Variants in DMD observed in about 807,000 individuals in gnomAD.
DMD encodes the protein mutant dystrophin.
In DMD, 63 loss-of-function variants were observed where a neutral mutation model predicts 330.1. That is an observed-to-expected ratio of 0.19 (90% CI 0.16 to 0.24). The LOEUF is 0.24. Among genes scored for constraint, DMD ranks in the 10% least tolerant of loss-of-function variants. The pLI, the probability that DMD is intolerant of heterozygous loss-of-function variation, is 1.00. For synonymous variants in DMD, 1,223 were observed against 959.8 expected (o/e 1.27, Z -5.07); for missense variants, 3,344 against 2,684.1 (o/e 1.25, Z -5.43).
chrX:32,836,254 A>T (rs1252704130), intron 4 of DMD, among the ~76,000 whole-genome samples: 1 of 108,810 alleles, frequency 9.2e-6, no homozygotes, highest in African/African-American at 3.4e-5. Context: ...ATGGTCTCGA[A>T]CTCCTGACCT....
intron 50 of DMD, among the ~76,000 whole-genome samples, chrX:31,808,600 T>C (rs953210777): frequency 8.9e-6 from 1 of 111,755 alleles, no homozygotes; most frequent in African/African-American, 3.3e-5. Flanking sequence ...GAAAGCTTTA[T>C]TAGACAAGTT....
intron 1 of DMD, among the ~76,000 whole-genome samples, chrX:33,338,461 AAAT>A: frequency 2.1e-5 from 1 of 46,646 alleles, no homozygotes; most frequent in Non-Finnish European, 4.6e-5. Flanking sequence ...TTAAAGGGCA[AAAT>A]AAATAAATAA....
intron 43 of DMD, among the ~76,000 whole-genome samples, chrX:32,277,171 A>C (rs1382652307): frequency 9.0e-6 from 1 of 111,700 alleles, no homozygotes; most frequent in African/African-American, 3.3e-5. Context: ...ATCAGGACAA[A>C]AACTGTAAGA....
In DMD at chrX:32,320,226, G is replaced by A. The variant is rs191204080; in HGVS notation, c.5923-9950C>T. The stretch of plus-strand genomic sequence containing the variant: ...TTTGTCACACCCCTCAGAAAATGTG[G>A]ACACTATCTCTAGATTAATGCGGCA... On this transcript the variant is annotated intron_variant, in intron 41 of 78. Coordinates refer to ENST00000357033, the MANE Select transcript of DMD (RefSeq NM_004006.3). Among the ~76,000 whole-genome samples the A allele has an allele frequency of 4.2e-4, 47 of 110,788 alleles. No homozygotes were observed. In the Admixed American group the frequency reaches 4.6e-3, roughly 11 times the overall value.
At chrX:33,275,830 A>G (rs1419278376) in intron 1 of DMD, among the ~76,000 whole-genome samples, 3 of 112,000 alleles carry the variant, frequency 2.7e-5, no homozygotes, top group Non-Finnish European at 5.6e-5. Flanking sequence ...ATGGGAAAGC[A>G]TATGACATGT....
intron 44 of DMD, among the ~76,000 whole-genome samples, chrX:32,134,502 T>A (rs2096714824): frequency 9.0e-6 from 1 of 111,007 alleles, no homozygotes; most frequent in African/African-American, 3.3e-5. Context: ...GTCCTTTTTT[T>A]TTCTACTGCA....
chrX:31,197,443 C>T (rs914809004), intron 67 of DMD, among the ~76,000 whole-genome samples: 9 of 85,704 alleles, frequency 1.1e-4, no homozygotes, highest in African/African-American at 3.9e-4. Flanking sequence ...ATGTTTCTAA[C>T]ACAGAGAAAT....
At chrX:31,280,286 T>TA in intron 62 of DMD, among the ~76,000 whole-genome samples, 1 of 112,350 alleles carries the variant, frequency 8.9e-6, no homozygotes, top group South Asian at 3.7e-4. Context: ...GCAGTCTTAT[T>TA]CATAATATCC....
rs759798528 is a variant in DMD at position 32,642,344 on chromosome X, A to G, written c.1331+1788T>C. On this transcript the variant is annotated intron_variant, in intron 11 of 78. Transcript: ENST00000357033. Reference sequence around the variant, plus strand: ...TGTTTTAGCAAAAGCTATACCAGCTAGAAGGCTCTCCTTGCCTTCTTAATA... The same window carrying G: ...TGTTTTAGCAAAAGCTATACCAGCTGGAAGGCTCTCCTTGCCTTCTTAATA... Among the ~76,000 whole-genome samples the G allele has an allele frequency of 5.3e-5, 6 of 112,604 alleles. No homozygotes were observed. The East Asian group carries it at 1.4e-3, about 26-fold the overall frequency.
intron 1 of DMD, among the ~76,000 whole-genome samples, chrX:33,065,665 C>T (rs1185680990): frequency 7.1e-5 from 8 of 112,365 alleles, no homozygotes; most frequent in African/African-American, 2.6e-4. Flanking sequence ...ACAGCAAATG[C>T]TGGAAGCCCA....
intron 2 of DMD, among the ~76,000 whole-genome samples, chrX:33,009,993 T>C (rs1462789023): frequency 3.3e-5 from 1 of 30,614 alleles, no homozygotes; most frequent in Non-Finnish European, 6.6e-5. Flanking sequence ...TGTGTGTATA[T>C]ACACGTATGT....
At chrX:31,256,901 A>G (rs2050017184) in intron 63 of DMD, among the ~76,000 whole-genome samples, 1 of 110,997 alleles carries the variant, frequency 9.0e-6, no homozygotes, top group Non-Finnish European at 1.9e-5. Context: ...TGTAAATAAT[A>G]TAAATTCATT....
At chrX:31,746,156 C>T (rs1048140964) in intron 51 of DMD, among the ~76,000 whole-genome samples, 11 of 112,200 alleles carry the variant, frequency 9.8e-5, no homozygotes, top group Admixed American at 4.7e-4. Flanking sequence ...CATTTAAGTA[C>T]TGAAACAAAA....
intron 2 of DMD, among the ~76,000 whole-genome samples, chrX:32,929,716 C>A (rs1223618284): frequency 9.0e-6 from 1 of 110,668 alleles, no homozygotes; most frequent in Non-Finnish European, 1.9e-5. Context: ...TCCCTTTGCC[C>A]CCCACCCCCT....
chrX:32,905,916 A>C (rs190973519), intron 2 of DMD, among the ~76,000 whole-genome samples: 1 of 111,958 alleles, frequency 8.9e-6, no homozygotes, highest in East Asian at 2.8e-4. Context: ...CCTGGACGGC[A>C]AAACCACCCA....
chrX:32,888,646 A>G (rs961736569), intron 2 of DMD, among the ~76,000 whole-genome samples: 3 of 111,882 alleles, frequency 2.7e-5, no homozygotes, highest in Non-Finnish European at 5.6e-5. Flanking sequence ...CAATCCAGCA[A>G]TCTCACTACT....
intron 18 of DMD, among the ~76,000 whole-genome samples, chrX:32,516,268 G>A (rs932174159): frequency 9.0e-6 from 1 of 111,564 alleles, no homozygotes; most frequent in Admixed American, 9.6e-5. Flanking sequence ...CATATACATT[G>A]TATTTAGCCT....
chrX:32,193,006 A>T (rs2096982644), intron 44 of DMD, among the ~76,000 whole-genome samples: 1 of 111,701 alleles, frequency 9.0e-6, no homozygotes, highest in Non-Finnish European at 1.9e-5. Context: ...ATGGTTTAAC[A>T]CCATCCTCTT....
intron 9 of DMD, among the ~76,000 whole-genome samples, chrX:32,692,879 C>A (rs1344822530): frequency 9.0e-6 from 1 of 111,692 alleles, no homozygotes. Flanking sequence ...GTTTTGAGAA[C>A]TTACAATGTG....
Sources: gnomAD v4.1 joint callset for allele counts (sites outside exome capture counted in the v4.1 genomes callset) on GRCh38, gnomAD v4.1.1 for gene constraint, MANE v1.5 for transcripts, NCBI Gene and HGNC (gene_info 2026-07-23, HGNC 2026-07-21) for gene names.